The following ZSCAN25 variants were observed in gnomAD, a reference collection of about 807,000 sequenced individuals.
ZSCAN25 encodes zinc finger and SCAN domain containing 25.
In ZSCAN25, 27 loss-of-function variants were observed where a neutral mutation model predicts 38.7. The ratio of observed to expected loss-of-function variants is 0.70; its 90% CI spans 0.51 to 0.96. The LOEUF is 0.96. Ranked by LOEUF, ZSCAN25 falls within the 40% of genes least tolerant of loss-of-function variation. The pLI is 0.00. For synonymous variants in ZSCAN25, 273 were observed against 277.7 expected, an observed-to-expected ratio of 0.98 and a Z score of 0.17; for missense variants, 637 against 705.9, an observed-to-expected ratio of 0.90 and a Z score of 1.11.
At chr7:99,708,041 G>A in the ZSCAN25 span, 1 of 1,610,692 alleles carries the variant, frequency 6.2e-7, no homozygotes, top group Non-Finnish European at 8.5e-7. Context: ...ACATGTTAGG[G>A]TTTCTTACTT....
At chr7:99,623,251 C>T (rs140185731) in intron 6 of ZSCAN25, among the ~76,000 whole-genome samples, 2 of 152,318 alleles carry the variant, frequency 1.3e-5, no homozygotes, top group African/African-American at 4.8e-5. Context: ...TTCCTGTCCC[C>T]TAACCTCAGC....
the ZSCAN25 span, among the ~76,000 whole-genome samples, chr7:99,655,062 T>C: frequency 6.6e-6 from 1 of 152,264 alleles, no homozygotes; most frequent in South Asian, 2.1e-4. Context: ...TCTTTTGCTG[T>C]GCAGAAGCTC....
At chr7:99,687,400 T>C in the ZSCAN25 span, among the ~76,000 whole-genome samples, 1 of 152,156 alleles carries the variant, frequency 6.6e-6, no homozygotes, top group South Asian at 2.1e-4. Flanking sequence ...GCTGATGCGA[T>C]CAACTGGAAG....
At chr7:99,705,359 G>T in the ZSCAN25 span, 8 of 953,560 alleles carry the variant, frequency 8.4e-6, no homozygotes, top group African/African-American at 1.6e-5. Context: ...CACAATGCAC[G>T]TACAGAATCC....
the ZSCAN25 span, chr7:99,676,685 C>A: frequency 6.6e-6 from 4 of 601,930 alleles, no homozygotes; most frequent in Non-Finnish European, 1.2e-5. Flanking sequence ...GGTGACACTG[C>A]CCTTACAATT....
chr7:99,665,191 G>A, the ZSCAN25 span: 1 of 1,613,544 alleles, frequency 6.2e-7, no homozygotes, highest in African/African-American at 1.3e-5. Context: ...ATGGATCTAA[G>A]AAACCAAATT....
the ZSCAN25 span, chr7:99,709,201 T>C: frequency 6.2e-7 from 1 of 1,613,986 alleles, no homozygotes; most frequent in Non-Finnish European, 8.5e-7. Flanking sequence ...AATCTGAGTG[T>C]TTCATTCACC....
At chr7:99,662,006 A>G in the ZSCAN25 span, among the ~76,000 whole-genome samples, 2 of 152,224 alleles carry the variant, frequency 1.3e-5, no homozygotes, top group East Asian at 1.9e-4. This position sits in a 1 kb window ranked among gnomAD's most constrained non-coding sequence, Gnocchi z 4.3. Flanking sequence ...ATGATAGACT[A>G]TTTTCTTTAT....
chr7:99,652,197 G>A, the ZSCAN25 span: 2 of 148,922 alleles, frequency 1.3e-5, no homozygotes, highest in East Asian at 1.9e-4. Flanking sequence ...ACATATATAT[G>A]TATATTTATA....
the ZSCAN25 span, among the ~76,000 whole-genome samples, chr7:99,669,275 A>G: frequency 1.3e-5 from 2 of 152,228 alleles, no homozygotes; most frequent in Non-Finnish European, 2.9e-5. Flanking sequence ...AAGAGGCATT[A>G]TATGCAAAAA....
chr7:99,717,526 C>T, the ZSCAN25 span: 36 of 1,613,568 alleles, frequency 2.2e-5, no homozygotes, highest in African/African-American at 3.7e-4. Context: ...ATTTTCATAC[C>T]TCCTTGAGTT....
the ZSCAN25 span, chr7:99,713,621 C>T: frequency 6.3e-7 from 1 of 1,585,094 alleles, no homozygotes; most frequent in Middle Eastern, 1.7e-4. Context: ...AACCTCCCTT[C>T]TGAGAATATA....
chr7:99,722,329 A>G, the ZSCAN25 span: 2 of 1,613,522 alleles, frequency 1.2e-6, no homozygotes, highest in East Asian at 2.2e-5. Flanking sequence ...ATAACATTCC[A>G]TGTCAAACGT....
At chr7:99,681,139 C>CT in the ZSCAN25 span, among the ~76,000 whole-genome samples, 2 of 152,158 alleles carry the variant, frequency 1.3e-5, no homozygotes, top group Admixed American at 6.5e-5. Flanking sequence ...GGATCTCATG[C>CT]TTTTTTCATG....
chr7:99,666,482 G>A, the ZSCAN25 span: 1 of 1,121,650 alleles, frequency 8.9e-7, no homozygotes, highest in South Asian at 1.3e-5. Context: ...TGGAGTTGCA[G>A]CGCTGCCCTG....
chr7:99,618,278 GT>G (rs1421848145), intron 1 of ZSCAN25: 3 of 152,004 alleles, frequency 2.0e-5, no homozygotes, highest in Admixed American at 6.5e-5. Flanking sequence ...ACTTAGATTA[GT>G]TTTCTCTCTT....
At chr7:99,675,762 C>A in the ZSCAN25 span, among the ~76,000 whole-genome samples, 24 of 141,926 alleles carry the variant, frequency 1.7e-4, no homozygotes, top group Non-Finnish European at 1.4e-4. Flanking sequence ...GGTGCGATCA[C>A]AGCTCAATAC....
the ZSCAN25 span, chr7:99,713,360 C>T: frequency 6.6e-7 from 1 of 1,521,944 alleles, no homozygotes. Flanking sequence ...TGTCATTCTG[C>T]TATGTGGCAG....
At chr7:99,688,668 A>G in the ZSCAN25 span, among the ~76,000 whole-genome samples, 6 of 152,198 alleles carry the variant, frequency 3.9e-5, no homozygotes, top group Admixed American at 2.6e-4. Context: ...TGCACCAAGC[A>G]GACCTAATAG....
Sources: allele counts gnomAD v4.1 joint callset (sites outside exome capture counted in the v4.1 genomes callset), GRCh38; gene constraint gnomAD v4.1.1; non-coding constraint Gnocchi (gnomAD v3.1); transcripts MANE v1.5; gene names NCBI Gene and HGNC (gene_info 2026-07-23, HGNC 2026-07-21).